The following TGFB1I1 variants were observed in gnomAD, a reference collection of about 807,000 sequenced individuals.
The protein encoded by TGFB1I1 is transforming growth factor beta 1 induced transcript 1.
TGFB1I1 carries 33 observed loss-of-function variants against 52.0 expected under a neutral mutation model. That is an observed-to-expected ratio of 0.63 (90% CI 0.48 to 0.85). The LOEUF is 0.85. Ranked by LOEUF, TGFB1I1 falls within the 40% of genes least tolerant of loss-of-function variation. TGFB1I1 has a pLI of 0.00. For synonymous variants in TGFB1I1, 236 were observed against 253.3 expected (o/e 0.93, Z 0.65); for missense variants, 577 against 614.9 (o/e 0.94, Z 0.65).
Position 31,474,319 on chromosome 16 carries a change from C to T in TGFB1I1, c.414-31C>T, listed in dbSNP as rs1567382609. On this transcript the variant is annotated intron_variant, in intron 5 of 10. Transcript: ENST00000394863. The surrounding 1 kb of genome is among the most constrained non-coding windows in gnomAD (Gnocchi z 4.2). Reference sequence around the variant, plus strand: ...CTAGAGGGAGCGTTGCTCTGGGAGGCTCTGAGATGACACAAGCATGTTCTT... The same window carrying T: ...CTAGAGGGAGCGTTGCTCTGGGAGGTTCTGAGATGACACAAGCATGTTCTT... The T allele has an allele frequency of 1.2e-6, 2 of 1,613,916 alleles. No homozygotes were observed. Among genetic ancestry groups the T allele is most frequent in the Non-Finnish European group, 1.7e-6 (2 of 1,179,830 alleles).
Position 31,476,054 on chromosome 16 carries a change from G to T in TGFB1I1, c.757G>T (p.Val253Phe), listed in dbSNP as rs1220308504. 1 of 1,613,464 alleles carries T rather than the reference G, an allele frequency of 6.2e-7. No individual in the cohort carries two copies. Among genetic ancestry groups the T allele is most frequent in the Admixed American group, 1.7e-5 (1 of 59,998 alleles). ...CCGCGCCTGGCACCCCGAGCACTTC[G>T]TTTGCGGAGGCTGTTCCACCGCCCT... ...LGRAWHPEHFVCGGCSTALGG... is the reference protein window; with the variant it reads ...LGRAWHPEHFFCGGCSTALGG... The change falls in exon 8 of 11, where the codon GTT becomes TTT. Residue 253 changes from valine to phenylalanine, a missense_variant. Val to Phe is a conservative substitution (Grantham distance 50, BLOSUM62 -1). Around this residue, in one of 3 missense-constraint regions of TGFB1I1, gnomAD observed 456 missense variants for 461.6 expected, o/e 0.99. Coordinates refer to ENST00000394863, the MANE Select transcript of TGFB1I1 (RefSeq NM_001042454.3). This position sits in a 1 kb window ranked among gnomAD's most constrained non-coding sequence, Gnocchi z 7.6.
rs1596612736 is a variant in TGFB1I1 at position 31,476,245 on chromosome 16, G to T, written c.888+60G>T. The T allele has an allele frequency of 3.8e-6, 6 of 1,573,920 alleles. No homozygotes were observed. The Admixed American group carries it at 8.7e-5, about 23-fold the overall frequency. ...TCTCACCAGGAGAGCTGTGGGACGG[G>T]CCTCCACCGCATGGGTCCCGCCCCA... On this transcript the variant is annotated intron_variant, in intron 8 of 10. Transcript: ENST00000394863. The surrounding 1 kb of genome is among the most constrained non-coding windows in gnomAD (Gnocchi z 7.6).
In TGFB1I1 at chr16:31,476,437, C is replaced by G; in HGVS notation, c.889-44C>G. On this transcript the variant is annotated intron_variant, in intron 8 of 10. Transcript: ENST00000394863. The surrounding 1 kb of genome is among the most constrained non-coding windows in gnomAD (Gnocchi z 7.6). ...GGGTTCCGCGCGGGAGAGGAAGGCG[C>G]GAAGGCACGGAGGCCGCGCTGAGTG... 6.3e-7 allele frequency: 1 copy of G among 1,578,710 alleles called. No homozygotes were observed. The highest frequency in any genetic ancestry group is 8.6e-7 in the Non-Finnish European group (1 of 1,158,268).
At position 31,476,883 on chromosome 16, in the gene TGFB1I1, G is replaced by T; in HGVS notation, c.992G>T (p.Arg331Leu). ...CTAGGTTTCCACGAGCGCGAGGGCC[G>T]CCCCTACTGCCGCCGGGACTTCCTG... ...GDEGFHEREG[R>L]PYCRRDFLQL... is the part of the protein sequence containing the mutation. The change falls in exon 10 of 11, where the codon CGC (arginine) becomes CTC (leucine). Residue 331 changes from arginine (R) to leucine (L), a missense_variant. Physicochemically the swap from Arg to Leu is moderately radical, Grantham distance 102. This residue lies in a region of TGFB1I1 where 456 missense variants were observed against 461.6 expected (regional missense o/e 0.99). Coordinates refer to ENST00000394863, the MANE Select transcript of TGFB1I1 (RefSeq NM_001042454.3). This position sits in a 1 kb window ranked among gnomAD's most constrained non-coding sequence, Gnocchi z 7.6. The T allele has an allele frequency of 6.2e-7, 1 of 1,611,052 alleles. No homozygotes were observed. Among genetic ancestry groups the T allele is most frequent in the Non-Finnish European group, 8.5e-7 (1 of 1,179,728 alleles).
At position 31,476,319 on chromosome 16, in the gene TGFB1I1, C is replaced by A; in HGVS notation, c.888+134C>A. Reference sequence around the variant, plus strand: ...TACCCCTTCCCCTTGGCAATGTCCACGGCCCCTTGGACTCCACTCTTCCTT... The same window carrying A: ...TACCCCTTCCCCTTGGCAATGTCCAAGGCCCCTTGGACTCCACTCTTCCTT... On this transcript the variant is annotated intron_variant, in intron 8 of 10. Coordinates refer to ENST00000394863, the MANE Select transcript of TGFB1I1 (RefSeq NM_001042454.3). The surrounding 1 kb of genome is among the most constrained non-coding windows in gnomAD (Gnocchi z 7.6). The A allele has an allele frequency of 7.6e-7, 1 of 1,314,744 alleles. No individual in the cohort carries two copies. Among genetic ancestry groups the A allele is most frequent in the Non-Finnish European group, 1.0e-6 (1 of 961,336 alleles). 81.4% of individuals were successfully genotyped at this position (1,314,744 alleles called of 1,614,324 possible). A position where few individuals can be genotyped will look rare whatever the true frequency, so the allele number is the denominator to read the frequency against.
rs2082420758 is a variant in TGFB1I1 at position 31,476,006 on chromosome 16, T to C, written c.715-6T>C. On this transcript the variant is annotated splice_polypyrimidine_tract_variant and splice_region_variant and intron_variant, in intron 7 of 10. Transcript: ENST00000394863. The surrounding 1 kb of genome is among the most constrained non-coding windows in gnomAD (Gnocchi z 7.6). Reference sequence around the variant, plus strand: ...CGCTCTGACCCGCCTCACCTCCCACTCGCAGGTGGTGACGGCTCTGGGCCG... The same window carrying C: ...CGCTCTGACCCGCCTCACCTCCCACCCGCAGGTGGTGACGGCTCTGGGCCG... 9 of 1,609,676 alleles carry C rather than the reference T, an allele frequency of 5.6e-6. No individual in the cohort carries two copies. Among genetic ancestry groups the C allele is most frequent in the Non-Finnish European group, 7.6e-6 (9 of 1,178,720 alleles).
chr16:31,472,286 A>C, intron 1 of TGFB1I1, 85 bp downstream of exon 1: 5 of 1,407,926 alleles, frequency 3.6e-6, no homozygotes, highest in Non-Finnish European at 4.6e-6. Context: ...GCATCTCCCC[A>C]TCCCTGTCTT....
intron 1 of TGFB1I1, 36 bp downstream of exon 1, chr16:31,472,237 C>T (rs767657405): frequency 5.6e-5 from 83 of 1,470,166 alleles, no homozygotes; most frequent in Non-Finnish European, 7.3e-5. Flanking sequence ...CGTGGCCCCT[C>T]ACCGCTGCCC....
At chr16:31,472,465 G>T in intron 1 of TGFB1I1, 1 of 527,908 alleles carries the variant, frequency 1.9e-6, no homozygotes, top group Non-Finnish European at 2.8e-6. Context: ...GCGCCCGCGG[G>T]CGCCCGGGCG....
chr16:31,472,175 G>A lies in TGFB1I1; in HGVS notation c.-14G>A. 8.1e-7 allele frequency: 1 copy of A among 1,232,340 alleles called. No homozygotes were observed. Among genetic ancestry groups the A allele is most frequent in the Non-Finnish European group, 1.0e-6 (1 of 968,558 alleles). The allele number at this position is 1,232,340 out of a possible 1,614,324, so 76.3% of individuals were successfully genotyped here. Reference sequence around the variant, plus strand: ...CCGCCCTGTTCGCCCCGCGCCACCGGCCCGCGCCCCGCCATGGAGGACCTG... The same window carrying A: ...CCGCCCTGTTCGCCCCGCGCCACCGACCCGCGCCCCGCCATGGAGGACCTG... On this transcript the variant is annotated 5_prime_UTR_variant, in exon 1 of 11. Transcript: ENST00000394863.
chr16:31,477,339 C>G lies in TGFB1I1; in HGVS notation c.1149C>G (p.Ser383Arg). Residue 383 changes from serine to arginine, a missense_variant, in exon 11 of 11, where the codon AGC becomes AGG. Ser to Arg is a moderately radical substitution (Grantham distance 110). Coordinates refer to ENST00000394863, the MANE Select transcript of TGFB1I1 (RefSeq NM_001042454.3). This position sits in a 1 kb window ranked among gnomAD's most constrained non-coding sequence, Gnocchi z 4.7. Reference sequence around the variant, plus strand: ...GCTTCGCGCCCTTCTCGGGAGGCAGCTTTTTCGAGCACGAGGGCCGCCCGT... The same window carrying G: ...GCTTCGCGCCCTTCTCGGGAGGCAGGTTTTTCGAGCACGAGGGCCGCCCGT... ...RECFAPFSGG[S>R]FFEHEGRPLC... 2 of 1,608,162 alleles carry G rather than the reference C, an allele frequency of 1.2e-6. No individual in the cohort carries two copies. Among genetic ancestry groups the G allele is most frequent in the Non-Finnish European group, 1.7e-6 (2 of 1,177,604 alleles).
In TGFB1I1 at chr16:31,477,283, T is replaced by A; in HGVS notation, c.1120-27T>A. 1.3e-6 allele frequency: 2 copies of A among 1,586,488 alleles called. No individual in the cohort carries two copies. The highest frequency in any genetic ancestry group is 1.7e-6 in the Non-Finnish European group (2 of 1,164,180). On this transcript the variant is annotated intron_variant, in intron 10 of 10. Coordinates refer to ENST00000394863, the MANE Select transcript of TGFB1I1 (RefSeq NM_001042454.3). This position sits in a 1 kb window ranked among gnomAD's most constrained non-coding sequence, Gnocchi z 4.7. ...CTGGCAGTGGCCGCTGACCTGTCTG[T>A]CCTCTTTCGCGGCTTCCCTTCCCCA...
At position 31,474,685 on chromosome 16, in the gene TGFB1I1, C is replaced by T. The variant is rs779713949; in HGVS notation, c.642C>T (p.Asp214=). 3.7e-6 allele frequency: 6 copies of T among 1,613,164 alleles called. No homozygotes were observed. In the Admixed American group the frequency reaches 8.3e-5, roughly 22 times the overall value. Residue 214 remains aspartate, a synonymous_variant, in exon 7 of 11, where the codon GAC becomes GAT. Transcript: ENST00000394863. The surrounding 1 kb of genome is among the most constrained non-coding windows in gnomAD (Gnocchi z 4.2). ...LDTMLGLLQS[D]LSRRGVPTQA... is the part of the protein sequence containing the mutation. ...CCATGCTGGGGCTGCTGCAGTCCGA[C>T]CTCAGCCGCCGGGGTGTTCCCACCC... is the stretch of plus-strand genomic sequence containing the variant.
chr16:31,476,924 C>A lies in TGFB1I1; in HGVS notation c.1033C>A (p.Arg345Ser), dbSNP rs983501037. The A allele has an allele frequency of 2.5e-6, 4 of 1,608,410 alleles. No individual in the cohort carries two copies. The East Asian group carries it at 6.7e-5, about 27-fold the overall frequency. Residue 345 changes from arginine to serine, a missense_variant, in exon 10 of 11, where the codon CGC becomes AGC. By Grantham distance (110) the Arg-to-Ser change is moderately radical. Transcript: ENST00000394863. The surrounding 1 kb of genome is among the most constrained non-coding windows in gnomAD (Gnocchi z 7.6). Reference sequence around the variant, plus strand: ...GGACTTCCTGCAGCTGTTCGCCCCGCGCTGCCAGGGCTGCCAGGGCCCCAT... The same window carrying A: ...GGACTTCCTGCAGCTGTTCGCCCCGAGCTGCCAGGGCTGCCAGGGCCCCAT... ...RRDFLQLFAP[R>S]CQGCQGPILD...
intron 1 of TGFB1I1, 45 bp downstream of exon 1, chr16:31,472,246 C>T (rs1172375191): frequency 6.9e-7 from 1 of 1,448,974 alleles, no homozygotes; most frequent in Admixed American, 2.4e-5. Flanking sequence ...TCACCGCTGC[C>T]CAGAGCTGCC....
chr16:31,473,950 C>A lies in TGFB1I1; in HGVS notation c.298C>A (p.Leu100Ile), dbSNP rs1393239805. 6.2e-7 allele frequency: 1 copy of A among 1,610,692 alleles called. No homozygotes were observed. The highest frequency in any genetic ancestry group is 8.5e-7 in the Non-Finnish European group (1 of 1,178,266). ...LCELDRLLQE[L>I]NATQFNITDE... is the part of the protein sequence containing the mutation. ...TGAGCTAGATCGGTTGCTTCAGGAA[C>A]TTAATGCCACTCAGTTCAACATCAC... The change falls in exon 4 of 11, where the codon CTT (leucine) becomes ATT (isoleucine). Residue 100 changes from leucine to isoleucine, a missense_variant. Leu to Ile is a conservative substitution (Grantham distance 5). Transcript: ENST00000394863.
chr16:31,474,762 G>A lies in TGFB1I1; in HGVS notation c.714+5G>A, dbSNP rs1362701159. ...AATAAACCTATTGCTGGGCAAGTAAGTGGAGCCTTGTGAGAAGGGAGGCAG... is the reference window on the plus strand; with the variant it reads ...AATAAACCTATTGCTGGGCAAGTAAATGGAGCCTTGTGAGAAGGGAGGCAG... On this transcript the variant is annotated splice_donor_5th_base_variant and intron_variant, in intron 7 of 10. Transcript: ENST00000394863. This position sits in a 1 kb window ranked among gnomAD's most constrained non-coding sequence, Gnocchi z 4.2. The A allele has an allele frequency of 6.3e-7, 1 of 1,598,956 alleles. No individual in the cohort carries two copies. The highest frequency in any genetic ancestry group is 2.2e-5 in the East Asian group (1 of 44,550).
Position 31,477,150 on chromosome 16 carries a change from A to T in TGFB1I1, c.1119+140A>T, listed in dbSNP as rs983589233. ...CGGGTCACGGGAGGTGCTGCTAGGA[A>T]CCTCGGGTGGGGCGAGTTTTCCGGG... On this transcript the variant is annotated intron_variant, in intron 10 of 10. Transcript: ENST00000394863. This position sits in a 1 kb window ranked among gnomAD's most constrained non-coding sequence, Gnocchi z 4.7. The T allele has an allele frequency of 8.0e-5, 113 of 1,411,624 alleles. No homozygotes were observed. The highest frequency in any genetic ancestry group is 3.5e-4 in the South Asian group (24 of 69,302). The allele number at this position is 1,411,624 out of a possible 1,614,324, so 87.4% of individuals were successfully genotyped here. A position where few individuals can be genotyped will look rare whatever the true frequency, so the allele number is the denominator to read the frequency against.
chr16:31,473,541 T>C lies in TGFB1I1; in HGVS notation c.114T>C (p.Tyr38=), dbSNP rs1283837374. The change falls in exon 2 of 11, where the codon TAT becomes TAC. Residue 38 remains tyrosine, a synonymous_variant. Coordinates refer to ENST00000394863, the MANE Select transcript of TGFB1I1 (RefSeq NM_001042454.3). ...PAEPLTPPPS[Y]GHQPQTGSGE... The stretch of plus-strand genomic sequence containing the variant: ...AGCCTCTCACCCCTCCCCCATCCTA[T>C]GGCCACCAGCCACAGGTGAGATCGG... 1.2e-6 allele frequency: 2 copies of C among 1,613,738 alleles called. No individual in the cohort carries two copies. The highest frequency in any genetic ancestry group is 1.7e-5 in the Admixed American group (1 of 60,012).
Sources: allele counts gnomAD v4.1 joint callset, GRCh38; gene constraint gnomAD v4.1.1; regional missense constraint gnomAD v4.1.1; non-coding constraint Gnocchi (gnomAD v3.1); transcripts MANE v1.5; gene names NCBI Gene and HGNC (gene_info 2026-07-23, HGNC 2026-07-21).